Variants in DBF4B observed in about 807,000 individuals in gnomAD.
DBF4B encodes the protein DBF4B-CDC7 kinase regulatory subunit.
DBF4B carries 49 observed loss-of-function variants against 53.4 expected under a neutral mutation model. That is an observed-to-expected ratio of 0.92 (90% CI 0.73 to 1.16). The LOEUF is 1.16. DBF4B is among the 50% of genes most tolerant of loss of function. DBF4B has a pLI of 0.00. For synonymous variants in DBF4B, 257 were observed against 288.7 expected, an observed-to-expected ratio of 0.89 and a Z score of 1.11; for missense variants, 692 against 775.0, an observed-to-expected ratio of 0.89 and a Z score of 1.27.
chr17:44,729,073 G>A (rs1011535438), intron 3 of DBF4B, among the ~76,000 whole-genome samples: 1 of 151,648 alleles, frequency 6.6e-6, no homozygotes, highest in Non-Finnish European at 1.5e-5. Context: ...TACAGCCTGG[G>A]AGACAAAGTG....
Position 44,741,399 on chromosome 17 carries a change from A to T in DBF4B, c.777A>T (p.Lys259Asn). The stretch of plus-strand genomic sequence containing the variant: ...CTGAAATTTCTTTTCTTGGACCCAA[A>T]GATGCAAGTCCCTTTGAGGCCCCGA... ...SFPEISFLGP[K>N]DASPFEAPTT... Residue 259 changes from lysine to asparagine, a missense_variant, in exon 10 of 14, where the codon AAA becomes AAT. By Grantham distance (94) the Lys-to-Asn change is moderately conservative. Transcript: ENST00000315005. The T allele has an allele frequency of 6.2e-7, 1 of 1,613,750 alleles. No homozygotes were observed. The highest frequency in any genetic ancestry group is 8.5e-7 in the Non-Finnish European group (1 of 1,179,756).
intron 3 of DBF4B, 91 bp downstream of exon 3, chr17:44,723,113 A>G (rs1973997335): frequency 1.3e-6 from 2 of 1,518,136 alleles, no homozygotes; most frequent in Non-Finnish European, 1.8e-6. Flanking sequence ...GTTTCCAAGT[A>G]TTTTCTTTTT....
chr17:44,749,420 C>A lies in DBF4B; in HGVS notation c.1189+955C>A. ...TGCTGCACACCCGGCCAGGGCTGAC[C>A]AGGACGCAGGAGGGGCAGAACCCCA... On this transcript the variant is annotated intron_variant, in intron 13 of 13. Transcript: ENST00000315005. This position sits in a 1 kb window ranked among gnomAD's most constrained non-coding sequence, Gnocchi z 4.4. 2 of 1,289,428 alleles carry A rather than the reference C, an allele frequency of 1.6e-6. No individual in the cohort carries two copies. The highest frequency in any genetic ancestry group is 2.5e-5 in the South Asian group (2 of 81,040). The allele number at this position is 1,289,428 out of a possible 1,614,324, so 79.9% of individuals were successfully genotyped here. A position where few individuals can be genotyped will look rare whatever the true frequency, so the allele number is the denominator to read the frequency against.
At chr17:44,747,366 C>A (rs749467739) in intron 11 of DBF4B, 25 bp from the exon 12 acceptor site, 2 of 1,613,074 alleles carry the variant, frequency 1.2e-6, no homozygotes, top group Non-Finnish European at 1.7e-6. Context: ...ATCTAATGCC[C>A]TGTGCTCCTC....
At chr17:44,732,318 G>A (rs185411099) in intron 6 of DBF4B, 53 bp downstream of exon 6, 2 of 1,586,078 alleles carry the variant, frequency 1.3e-6, no homozygotes, top group Non-Finnish European at 1.7e-6. Context: ...ACTTTGACCA[G>A]GAGTGTCAGC....
intron 12 of DBF4B, among the ~76,000 whole-genome samples, chr17:44,748,039 G>A (rs1159332092): frequency 1.3e-5 from 2 of 152,142 alleles, no homozygotes; most frequent in Non-Finnish European, 1.5e-5. Context: ...CAGGCACTGC[G>A]CTGCTTTCTT....
intron 2 of DBF4B, among the ~76,000 whole-genome samples, chr17:44,712,572 G>A (rs1320221312): frequency 6.6e-6 from 1 of 151,806 alleles, no homozygotes; most frequent in Non-Finnish European, 1.5e-5. Flanking sequence ...CCAAAGTGCT[G>A]GGATTACAGG....
In DBF4B at chr17:44,709,313, G is replaced by A. The variant is rs747641537; in HGVS notation, c.29G>A (p.Cys10Tyr). The A allele has an allele frequency of 1.2e-5, 20 of 1,614,118 alleles. No homozygotes were observed. The highest frequency in any genetic ancestry group is 1.0e-4 in the Admixed American group (6 of 60,012). ...TTATGTCCTTTCTCAGGAGACGATT[G>A]CCTCGAGCTGGAGAGTTCCATGGCT... MSEPGKGDD[C>Y]LELESSMAES... The change falls in exon 2 of 14, where the codon TGC becomes TAC. Residue 10 changes from cysteine (C) to tyrosine (Y), a missense_variant. Cys to Tyr is a radical substitution (Grantham distance 194). Transcript: ENST00000315005.
At position 44,731,608 on chromosome 17, in the gene DBF4B, A is replaced by G. The variant is rs531880231; in HGVS notation, c.469-570A>G. 18 of 156,444 alleles carry G rather than the reference A, an allele frequency of 1.2e-4. No homozygotes were observed. The East Asian group carries it at 3.4e-3, about 29-fold the overall frequency. The allele number at this position is 156,444 out of a possible 1,614,324, so 9.7% of individuals were successfully genotyped here. A position where few individuals can be genotyped will look rare whatever the true frequency, so the allele number is the denominator to read the frequency against. On this transcript the variant is annotated intron_variant, in intron 5 of 13. Coordinates refer to ENST00000315005, the MANE Select transcript of DBF4B (RefSeq NM_145663.3). ...ATAGAGCTAGACTCTGTCTCAAAAAAAAAACAAAAAACAAGTAACTCTTTA... is the reference window on the plus strand; with the variant it reads ...ATAGAGCTAGACTCTGTCTCAAAAAGAAAACAAAAAACAAGTAACTCTTTA...
At chr17:44,730,935 C>G (rs1341696236) in intron 4 of DBF4B, 30 bp from the exon 5 acceptor site, 1 of 1,612,416 alleles carries the variant, frequency 6.2e-7, no homozygotes, top group African/African-American at 1.3e-5. Flanking sequence ...GGCCTAACAG[C>G]AGACCTCACT....
chr17:44,743,785 GTT>G (rs1976316887), intron 10 of DBF4B, among the ~76,000 whole-genome samples: 1 of 151,400 alleles, frequency 6.6e-6, no homozygotes, highest in African/African-American at 2.4e-5. Context: ...AATTGTTTGT[GTT>G]TTTAGTACAG....
At chr17:44,731,949 A>G (rs1974874590) in intron 5 of DBF4B, 1 of 537,184 alleles carries the variant, frequency 1.9e-6, no homozygotes, top group Non-Finnish European at 3.4e-6. Context: ...AGCACAATGT[A>G]TAGGCAGACC....
At chr17:44,746,969 C>T in intron 10 of DBF4B, 114 bp from the exon 11 acceptor site, 2 of 929,942 alleles carry the variant, frequency 2.2e-6, no homozygotes, top group Non-Finnish European at 3.4e-6. Context: ...TGCACAGCCC[C>T]TTGGCCATCT....
Position 44,730,032 on chromosome 17 carries a change from A to C in DBF4B, c.353A>C (p.Glu118Ala), listed in dbSNP as rs749583840. 3 of 1,613,460 alleles carry C rather than the reference A, an allele frequency of 1.9e-6. No individual in the cohort carries two copies. Among genetic ancestry groups the C allele is most frequent in the Non-Finnish European group, 2.5e-6 (3 of 1,180,034 alleles). The change falls in exon 4 of 14, where the codon GAA (glutamate) becomes GCA (alanine). Residue 118 changes from glutamate (E) to alanine (A), a missense_variant. By Grantham distance (107) the Glu-to-Ala change is moderately radical (BLOSUM62 -1). This residue lies in a region of DBF4B where 597 missense variants were observed against 665.8 expected (regional missense o/e 0.90). Transcript: ENST00000315005. The stretch of plus-strand genomic sequence containing the variant: ...CCTAGCCCCAGTGAGGTCAGAGTGG[A>C]AACATCGGCCATGGTTGATCCAAAA... Reference protein sequence around the residue: ...PSPSPSEVRVETSAMVDPKGS... With the variant: ...PSPSPSEVRVATSAMVDPKGS...
intron 3 of DBF4B, among the ~76,000 whole-genome samples, chr17:44,723,482 A>G (rs1478901280): frequency 6.6e-6 from 1 of 152,010 alleles, no homozygotes; most frequent in East Asian, 1.9e-4. Flanking sequence ...GGCCAGGCGC[A>G]GTGGCTCACA....
intron 4 of DBF4B, 45 bp downstream of exon 4, chr17:44,730,141 G>A: frequency 2.5e-6 from 4 of 1,583,152 alleles, no homozygotes; most frequent in South Asian, 1.1e-5. Flanking sequence ...AACAAAGGAA[G>A]TAGGCTTTGG....
At position 44,723,035 on chromosome 17, in the gene DBF4B, CTCTTCT is replaced by C; in HGVS notation, c.225+14_225+19del. The C allele has an allele frequency of 6.2e-7, 1 of 1,613,696 alleles. No individual in the cohort carries two copies. On this transcript the variant is annotated intron_variant, in intron 3 of 13. Transcript: ENST00000315005. The stretch of plus-strand genomic sequence containing the variant: ...GCAACTGGGTGGGGTAGGTAACCTG[CTCTTCT>C]CCTGCGATGCCATGTGCCTTTGCAG...
In DBF4B at chr17:44,732,189, TGGA is replaced by T. The variant is rs750891982; in HGVS notation, c.486_488del (p.Gly163del). ...TGTTGTAATTTCAGGGGAGCATCAG[TGGA>T]GGAGGCAGTGGGGGCAGCAGCAGCC... On this transcript the variant is annotated inframe_deletion, in exon 6 of 14. Transcript: ENST00000315005. The T allele has an allele frequency of 6.2e-7, 1 of 1,614,060 alleles. No individual in the cohort carries two copies. The highest frequency in any genetic ancestry group is 1.1e-5 in the South Asian group (1 of 91,066).
rs1373009403 is a variant in DBF4B, at chr17:44,752,136, G to C, written c.*883G>C. 1 of 780,722 alleles carries C rather than the reference G, an allele frequency of 1.3e-6. No homozygotes were observed. Among genetic ancestry groups the C allele is most frequent in the Non-Finnish European group, 2.1e-6 (1 of 476,416 alleles). The allele number at this position is 780,722 out of a possible 1,614,324, so 48.4% of individuals were successfully genotyped here. ...GCTGGGTGGAATGCAGGAGCTAGCTGCCTCCAACTCACTGTGACCTCAGAA... is the reference window on the plus strand; with the variant it reads ...GCTGGGTGGAATGCAGGAGCTAGCTCCCTCCAACTCACTGTGACCTCAGAA... On this transcript the variant is annotated 3_prime_UTR_variant, in exon 14 of 14. Transcript: ENST00000315005.
Sources: gnomAD v4.1 joint callset for allele counts (sites outside exome capture counted in the v4.1 genomes callset) on GRCh38, gnomAD v4.1.1 for gene constraint, gnomAD v4.1.1 regional missense constraint, Gnocchi (gnomAD v3.1) non-coding constraint, MANE v1.5 for transcripts, NCBI Gene and HGNC (gene_info 2026-07-23, HGNC 2026-07-21) for gene names.